ARHGEF28: variants seen among roughly 807,000 people sequenced by gnomAD.
The protein encoded by ARHGEF28 is 190 kDa guanine nucleotide exchange factor.
A neutral mutation model predicts 206.6 loss-of-function variants in ARHGEF28; 152 were observed. The observed-to-expected ratio is 0.74, with a 90% CI of 0.64 to 0.84. The LOEUF (loss-of-function observed/expected upper bound fraction) is 0.84, where lower values mean the gene tolerates loss of function less well. Among genes scored for constraint, ARHGEF28 ranks in the 40% least tolerant of loss-of-function variants. The probability of loss-of-function intolerance (pLI) is 0.00; values close to 1 mark genes in which losing one functional copy is unlikely to be tolerated. For missense variants in ARHGEF28, 2,028 were observed against 2,073.2 expected (o/e 0.98, Z 0.42); for synonymous variants, 763 against 776.4 (o/e 0.98, Z 0.29).
chr5:73,801,168 C>T (rs1297997358), intron 9 of ARHGEF28, among the ~76,000 whole-genome samples: 3 of 152,138 alleles, frequency 2.0e-5, no homozygotes, highest in South Asian at 2.1e-4. Flanking sequence ...GGATCTTGGC[C>T]GGGCGCGGGG....
At chr5:73,834,985 T>A (rs1009658867) in intron 10 of ARHGEF28, 2 of 152,246 alleles carry the variant, frequency 1.3e-5, no homozygotes, top group African/African-American at 4.8e-5. Context: ...GTGAGATGAC[T>A]GGTGGCTGGC....
chr5:73,753,224 C>A, intron 4 of ARHGEF28, 22 bp downstream of exon 4: 1 of 1,514,840 alleles, frequency 6.6e-7, no homozygotes, highest in South Asian at 1.4e-5. Context: ...CCAGAAAATT[C>A]AGATATCCCC....
In ARHGEF28 at chr5:73,868,241, A is replaced by C. The variant is rs1759840392; in HGVS notation, c.2425+14A>C. On this transcript the variant is annotated intron_variant, in intron 20 of 35. Transcript: ENST00000513042. Reference sequence around the variant, plus strand: ...TCATAATGGAAGGTGAGGAGAAGACACACTTCCATTTATTTGTGTTTTTGT... The same window carrying C: ...TCATAATGGAAGGTGAGGAGAAGACCCACTTCCATTTATTTGTGTTTTTGT... 1 of 1,555,804 alleles carries C rather than the reference A, an allele frequency of 6.4e-7. No homozygotes were observed. The highest frequency in any genetic ancestry group is 1.4e-5 in the African/African-American group (1 of 73,672).
At chr5:73,939,141 C>T (rs778396095) in intron 35 of ARHGEF28, among the ~76,000 whole-genome samples, 16 of 152,046 alleles carry the variant, frequency 1.1e-4, no homozygotes, top group Non-Finnish European at 2.2e-4. Context: ...ATCCTCTGAG[C>T]GTAGATCCAG....
chr5:73,851,866 T>G (rs914344575), intron 13 of ARHGEF28, among the ~76,000 whole-genome samples: 1 of 152,180 alleles, frequency 6.6e-6, no homozygotes, highest in Admixed American at 6.6e-5. Flanking sequence ...TATGTATTTG[T>G]TTTCCTCCTT....
chr5:73,687,849 C>T (rs1747568866), intron 2 of ARHGEF28, among the ~76,000 whole-genome samples: 1 of 151,976 alleles, frequency 6.6e-6, no homozygotes, highest in African/African-American at 2.4e-5. Context: ...ACAGATTTTT[C>T]CAGAGTTTTA....
intron 13 of ARHGEF28, among the ~76,000 whole-genome samples, chr5:73,850,778 CAT>C (rs1758648655): frequency 6.6e-6 from 1 of 152,104 alleles, no homozygotes; most frequent in South Asian, 2.1e-4. Context: ...GAAACCTTTG[CAT>C]ATGAGTTAGA....
At chr5:73,836,429 G>A (rs1275694684) in intron 10 of ARHGEF28, among the ~76,000 whole-genome samples, 2 of 151,454 alleles carry the variant, frequency 1.3e-5, no homozygotes, top group African/African-American at 4.9e-5. Context: ...ATACCTATTG[G>A]CCATTTGTGT....
At chr5:73,754,522 T>C (rs1294744160) in intron 4 of ARHGEF28, among the ~76,000 whole-genome samples, 1 of 152,082 alleles carries the variant, frequency 6.6e-6, no homozygotes, top group Non-Finnish European at 1.5e-5. Flanking sequence ...AGATATGAAA[T>C]ATAAGGGGGA....
rs1468880174 is a variant in ARHGEF28 at position 73,687,062 on chromosome 5, C to A, written c.33+2178C>A. ...GATGTCATTACCTACACGTGTGTGA[C>A]CTTGGTTACAGGGGTTCATATTGTT... On this transcript the variant is annotated intron_variant, in intron 2 of 35. Coordinates refer to ENST00000513042, the MANE Select transcript of ARHGEF28 (RefSeq NM_001177693.2). Among the ~76,000 whole-genome samples, 3 of 152,180 alleles carry A rather than the reference C, an allele frequency of 2.0e-5. No individual in the cohort carries two copies. The East Asian group carries it at 5.8e-4, about 29-fold the overall frequency.
At chr5:73,917,821 C>T (rs1164580839) in intron 35 of ARHGEF28, among the ~76,000 whole-genome samples, 1 of 152,208 alleles carries the variant, frequency 6.6e-6, no homozygotes, top group Non-Finnish European at 1.5e-5. Context: ...TACATGCACA[C>T]ATATACACAC....
chr5:73,800,185 C>A (rs756709044), intron 9 of ARHGEF28, among the ~76,000 whole-genome samples: 1 of 152,016 alleles, frequency 6.6e-6, no homozygotes, highest in African/African-American at 2.4e-5. Context: ...TTCTTTTTTA[C>A]GTAGCTGTGA....
chr5:73,841,242 AGTAATGAAAAT>A (rs1387062651), intron 11 of ARHGEF28, among the ~76,000 whole-genome samples: 1 of 152,248 alleles, frequency 6.6e-6, no homozygotes, highest in Non-Finnish European at 1.5e-5. Flanking sequence ...AATACTGTAC[AGTAATGAAAAT>A]GAATTAGCTA....
At position 73,941,554 on chromosome 5, in the gene ARHGEF28, G is replaced by GAT. The variant is rs1742621250; in HGVS notation, c.*542_*543dup. The GAT allele has an allele frequency of 6.6e-6, 1 of 152,470 alleles. No homozygotes were observed. Among genetic ancestry groups the GAT allele is most frequent in the Non-Finnish European group, 1.5e-5 (1 of 68,252 alleles). 9.4% of individuals were successfully genotyped at this position (152,470 alleles called of 1,614,324 possible). A position where few individuals can be genotyped will look rare whatever the true frequency, so the allele number is the denominator to read the frequency against. ...CACTATTCAACTGGGCACGTGTTGT[G>GAT]ATTGGTCAGTCACTGAGCCAGGGAT... On this transcript the variant is annotated 3_prime_UTR_variant, in exon 36 of 36. Transcript: ENST00000513042.
chr5:73,916,740 A>G (rs960595533), intron 35 of ARHGEF28, among the ~76,000 whole-genome samples: 13 of 152,144 alleles, frequency 8.5e-5, no homozygotes, highest in African/African-American at 2.9e-4. Context: ...TTAACAGGGG[A>G]CAAAATGATG....
chr5:73,658,236 C>T (rs1474987267), intron 1 of ARHGEF28, among the ~76,000 whole-genome samples: 6 of 152,066 alleles, frequency 3.9e-5, no homozygotes, highest in African/African-American at 1.2e-4. Context: ...CCTGTCACCC[C>T]ATTTCTTCTC....
At chr5:73,877,743 T>C (rs2112655440) in intron 22 of ARHGEF28, among the ~76,000 whole-genome samples, 2 of 151,868 alleles carry the variant, frequency 1.3e-5, no homozygotes, top group East Asian at 3.9e-4. Flanking sequence ...TGAGTGAGTT[T>C]CTTAATCCTG....
chr5:73,775,169 A>G (rs1168734839), intron 5 of ARHGEF28, among the ~76,000 whole-genome samples: 1 of 152,110 alleles, frequency 6.6e-6, no homozygotes, highest in Non-Finnish European at 1.5e-5. Flanking sequence ...ATCGTGAACA[A>G]TTCTGTGTTC....
chr5:73,852,682 A>G lies in ARHGEF28; in HGVS notation c.1780A>G (p.Arg594Gly), dbSNP rs1758778932. Reference protein sequence around the residue: ...QRAYSLSEPPRENRIQEEEWD... With the variant: ...QRAYSLSEPPGENRIQEEEWD... Reference sequence around the variant, plus strand: ...AGCTTACAGCTTATCGGAGCCACCAAGAGAAAACAGGTACTTTTAACTATT... The same window carrying G: ...AGCTTACAGCTTATCGGAGCCACCAGGAGAAAACAGGTACTTTTAACTATT... Residue 594 changes from arginine to glycine, a missense_variant, in exon 14 of 36, where the codon AGA becomes GGA. This residue lies in a region of ARHGEF28 where 1,002 missense variants were observed against 1,015.3 expected (regional missense o/e 0.99). Coordinates refer to ENST00000513042, the MANE Select transcript of ARHGEF28 (RefSeq NM_001177693.2). 6.2e-7 allele frequency: 1 copy of G among 1,613,618 alleles called. No homozygotes were observed. Among genetic ancestry groups the G allele is most frequent in the Non-Finnish European group, 8.5e-7 (1 of 1,179,684 alleles).
Sources: gnomAD v4.1 joint callset for allele counts (sites outside exome capture counted in the v4.1 genomes callset) on GRCh38, gnomAD v4.1.1 for gene constraint, gnomAD v4.1.1 regional missense constraint, MANE v1.5 for transcripts, NCBI Gene and HGNC (gene_info 2026-07-23, HGNC 2026-07-21) for gene names.